Variants in HGSNAT observed in about 807,000 individuals in gnomAD.
The protein encoded by HGSNAT is transmembrane protein 76.
HGSNAT carries 59 observed loss-of-function variants against 85.2 expected under a neutral mutation model. The observed-to-expected ratio is 0.69, with a 90% CI of 0.56 to 0.86. HGSNAT has a LOEUF of 0.86. HGSNAT is among the 40% of genes least tolerant of loss of function. HGSNAT has a pLI of 0.00. For synonymous variants in HGSNAT, 321 were observed against 304.5 expected, an observed-to-expected ratio of 1.05 and a Z score of -0.56; for missense variants, 756 against 777.1, an observed-to-expected ratio of 0.97 and a Z score of 0.32.
chr8:43,155,556 CTG>C (rs1213059660), intron 2 of HGSNAT, among the ~76,000 whole-genome samples: 2 of 152,116 alleles, frequency 1.3e-5, no homozygotes, highest in African/African-American at 4.8e-5. Flanking sequence ...TTTCTTCACT[CTG>C]TGGATTGCTT....
intron 11 of HGSNAT, 91 bp from the exon 12 acceptor site, chr8:43,191,383 T>C: frequency 6.7e-7 from 1 of 1,494,036 alleles, no homozygotes. Flanking sequence ...GGCCAAGAAA[T>C]GAGTCACCGG....
At chr8:43,196,676 G>A in intron 14 of HGSNAT, 1 of 634,224 alleles carries the variant, frequency 1.6e-6, no homozygotes. Context: ...TTCCTGCGGG[G>A]ACCCTCTGGT....
chr8:43,161,385 G>T, intron 4 of HGSNAT, 53 bp from the exon 5 acceptor site: 1 of 1,365,946 alleles, frequency 7.3e-7, no homozygotes, highest in South Asian at 1.2e-5. Context: ...TGATGTCTTT[G>T]ATGTTCATGA....
intron 2 of HGSNAT, among the ~76,000 whole-genome samples, chr8:43,151,068 A>T (rs1802901484): frequency 1.3e-5 from 2 of 152,194 alleles, no homozygotes; most frequent in South Asian, 4.1e-4. Flanking sequence ...ACCCTAAATA[A>T]AAAGGCACCA....
chr8:43,145,093 A>G lies in HGSNAT; in HGVS notation c.119-1855A>G, dbSNP rs76083562. 3.6e-3 allele frequency among the ~76,000 whole-genome samples: 549 copies of G among 152,314 alleles called. 5 individuals are homozygous for G. The highest frequency in any genetic ancestry group is 0.033 in the East Asian group (173 of 5,182). On this transcript the variant is annotated intron_variant, in intron 1 of 17. Transcript: ENST00000379644. ...GAAATGTTTAGATCATAGGCCTTTG[A>G]GAAGAATTATCAGAATGTTAGAGGA...
At chr8:43,164,391 C>T (rs568927663) in intron 5 of HGSNAT, among the ~76,000 whole-genome samples, 23 of 151,422 alleles carry the variant, frequency 1.5e-4, no homozygotes, top group South Asian at 6.2e-4. Context: ...TTTTTTGAGA[C>T]GTGGTCTCAT....
intron 15 of HGSNAT, chr8:43,197,440 T>G (rs1804762480): frequency 5.3e-6 from 3 of 569,366 alleles, no homozygotes; most frequent in Non-Finnish European, 9.3e-6. Context: ...CACTGTCATT[T>G]AATCAGTAAG....
In HGSNAT at chr8:43,178,185, A is replaced by G; in HGVS notation, c.963A>G (p.Leu321=). Residue 321 remains leucine (L), a synonymous_variant, in exon 10 of 18, where the codon TTA becomes TTG. Transcript: ENST00000379644. ...LGKIAWRSFL[L]ICIGIIIVNP... ...AGATTGCATGGAGGAGTTTCCTGTT[A>G]ATCTGCATAGGAATTATCATTGTGA... The G allele has an allele frequency of 6.3e-7, 1 of 1,594,108 alleles. No homozygotes were observed. Among genetic ancestry groups the G allele is most frequent in the African/African-American group, 1.4e-5 (1 of 73,858 alleles).
chr8:43,171,211 G>C (rs886916487), intron 7 of HGSNAT, among the ~76,000 whole-genome samples: 2 of 152,212 alleles, frequency 1.3e-5, no homozygotes, highest in African/African-American at 4.8e-5. Flanking sequence ...GTATAGCGAA[G>C]AATAAATACA....
chr8:43,145,875 C>T (rs1802698347), intron 1 of HGSNAT, among the ~76,000 whole-genome samples: 1 of 152,158 alleles, frequency 6.6e-6, no homozygotes, highest in South Asian at 2.1e-4. Flanking sequence ...CGAGTTCTTA[C>T]CTTCCTCATT....
intron 2 of HGSNAT, among the ~76,000 whole-genome samples, chr8:43,151,571 A>G (rs1802920721): frequency 6.6e-6 from 1 of 152,200 alleles, no homozygotes; most frequent in Admixed American, 6.5e-5. Flanking sequence ...TGTTAAGTCA[A>G]AAGAGACTGG....
intron 7 of HGSNAT, among the ~76,000 whole-genome samples, chr8:43,171,663 C>T (rs549477346): frequency 5.3e-5 from 8 of 152,166 alleles, no homozygotes; most frequent in Non-Finnish European, 7.3e-5. Flanking sequence ...CAAACAGTAG[C>T]ACATCCGGAA....
At chr8:43,182,505 GT>G in intron 11 of HGSNAT, 1 of 508,214 alleles carries the variant, frequency 2.0e-6, no homozygotes, top group South Asian at 2.0e-5. Context: ...GTGCAGTGGT[GT>G]GATCTTGGCT....
At chr8:43,182,030 A>C (rs905146830) in intron 10 of HGSNAT, 115 bp from the exon 11 acceptor site, 2 of 798,494 alleles carry the variant, frequency 2.5e-6, no homozygotes, top group Non-Finnish European at 4.4e-6. Context: ...AGCTTAAAAA[A>C]GACTTACTTA....
chr8:43,172,558 C>CT (rs1408998018), intron 8 of HGSNAT, among the ~76,000 whole-genome samples, 172 bp downstream of exon 8: 14 of 152,204 alleles, frequency 9.2e-5, no homozygotes, highest in Admixed American at 7.2e-4. Flanking sequence ...ATTCTGCGAG[C>CT]CCTTTAGTTT....
chr8:43,168,468 C>G (rs758305132), intron 5 of HGSNAT, among the ~76,000 whole-genome samples: 23 of 135,148 alleles, frequency 1.7e-4, no homozygotes, highest in Non-Finnish European at 3.0e-4. Flanking sequence ...TCTCGGCTCA[C>G]TGCAACTTCC....
At chr8:43,142,460 T>C (rs919845718) in intron 1 of HGSNAT, among the ~76,000 whole-genome samples, 1 of 152,100 alleles carries the variant, frequency 6.6e-6, no homozygotes, top group African/African-American at 2.4e-5. Context: ...CTGTAAGTGA[T>C]ACAGACTGTT....
chr8:43,148,813 A>G (rs1444330187), intron 2 of HGSNAT, among the ~76,000 whole-genome samples: 7 of 150,480 alleles, frequency 4.7e-5, no homozygotes, highest in African/African-American at 1.5e-4. Flanking sequence ...AAAAAAAAAG[A>G]AAGAATTAAA....
At chr8:43,187,601 G>T (rs1273543752) in intron 11 of HGSNAT, among the ~76,000 whole-genome samples, 2 of 152,130 alleles carry the variant, frequency 1.3e-5, no homozygotes, top group African/African-American at 4.8e-5. Context: ...TATCCAATTT[G>T]CCAGTCTGTG....
Sources: allele counts gnomAD v4.1 joint callset (sites outside exome capture counted in the v4.1 genomes callset), GRCh38; gene constraint gnomAD v4.1.1; transcripts MANE v1.5; gene names NCBI Gene and HGNC (gene_info 2026-07-23, HGNC 2026-07-21).